Variants in ANXA8 observed in about 807,000 individuals in gnomAD.
ANXA8 encodes the protein annexin A8.
A neutral mutation model predicts 26.8 loss-of-function variants in ANXA8; 9 were observed. The observed-to-expected ratio is 0.34, with a 90% CI of 0.20 to 0.59. ANXA8 has a LOEUF of 0.59. Among genes scored for constraint, ANXA8 ranks in the 20% least tolerant of loss-of-function variants. The probability of loss-of-function intolerance (pLI) is 0.84; values close to 1 mark genes in which losing one functional copy is unlikely to be tolerated. For synonymous variants in ANXA8, 39 were observed against 94.8 expected (o/e 0.41, Z 3.42); for missense variants, 83 against 238.5 (o/e 0.35, Z 4.29).
chr10:47,746,587 A>T, the ANXA8 span, among the ~76,000 whole-genome samples: 2 of 96,302 alleles, frequency 2.1e-5, no homozygotes, highest in South Asian at 4.8e-4. Flanking sequence ...CTGAGGCAGG[A>T]GAATCACTTG....
At chr10:47,959,130 G>A in the ANXA8 span, among the ~76,000 whole-genome samples, 5 of 147,018 alleles carry the variant, frequency 3.4e-5, no homozygotes, top group African/African-American at 1.3e-4. Context: ...TGGCCTTGGA[G>A]GCCCAGAGGG....
At chr10:47,580,713 A>G in the ANXA8 span, among the ~76,000 whole-genome samples, 2 of 149,966 alleles carry the variant, frequency 1.3e-5, no homozygotes, top group Non-Finnish European at 2.9e-5. Flanking sequence ...ACTACACTCC[A>G]GCCTGCAGGA....
chr10:47,958,650 C>G, the ANXA8 span, among the ~76,000 whole-genome samples: 1 of 147,888 alleles, frequency 6.8e-6, no homozygotes, highest in Non-Finnish European at 1.5e-5. Flanking sequence ...CGGAGGTACT[C>G]CCCGGCTAAC....
chr10:47,651,169 C>T, the ANXA8 span, among the ~76,000 whole-genome samples: 2 of 151,300 alleles, frequency 1.3e-5, no homozygotes, highest in African/African-American at 4.9e-5. Context: ...CACTGCACTC[C>T]AGCCTGGGCG....
At chr10:47,733,309 T>TCTCTCC in the ANXA8 span, among the ~76,000 whole-genome samples, 1 of 126,076 alleles carries the variant, frequency 7.9e-6, no homozygotes, top group African/African-American at 3.5e-5. Flanking sequence ...TTTTTCTTTC[T>TCTCTCC]CTCTCCCTCT....
the ANXA8 span, among the ~76,000 whole-genome samples, chr10:47,628,331 T>C: frequency 2.4e-4 from 36 of 152,184 alleles, no homozygotes; most frequent in African/African-American, 8.7e-4. Context: ...ATATGAATGG[T>C]ACTACATACA....
chr10:47,739,829 A>T, the ANXA8 span, among the ~76,000 whole-genome samples: 6 of 148,702 alleles, frequency 4.0e-5, no homozygotes, highest in Non-Finnish European at 8.9e-5. Flanking sequence ...GTGGTGGCTC[A>T]CTCCCGTAAT....
At chr10:47,484,479 A>T (rs1158184786), upstream of ANXA8, 14 of 1,119,524 alleles carry the variant, frequency 1.3e-5, no homozygotes, top group Non-Finnish European at 1.8e-5. Context: ...GCTCATATTC[A>T]CCACAGATGG....
chr10:47,501,792 T>A, the ANXA8 span: 1 of 457,780 alleles, frequency 2.2e-6, no homozygotes, highest in Non-Finnish European at 3.8e-6. Context: ...TTTTTTCAAA[T>A]ATATTTTCAC....
chr10:47,977,399 A>T, the ANXA8 span, among the ~76,000 whole-genome samples: 1 of 151,482 alleles, frequency 6.6e-6, no homozygotes, highest in African/African-American at 2.4e-5. Context: ...TAAGAAAAAA[A>T]TATGAGAAAT....
chr10:47,988,930 AC>A, the ANXA8 span, among the ~76,000 whole-genome samples: 5 of 151,838 alleles, frequency 3.3e-5, no homozygotes, highest in Non-Finnish European at 2.9e-5. Flanking sequence ...GTCCACACAC[AC>A]GATATCCCTT....
At chr10:47,743,964 AC>A in the ANXA8 span, among the ~76,000 whole-genome samples, 1 of 141,336 alleles carries the variant, frequency 7.1e-6, no homozygotes, top group East Asian at 2.8e-4. Context: ...GCCAGACGGT[AC>A]TGCAGCAATG....
At chr10:47,579,174 C>G in the ANXA8 span, among the ~76,000 whole-genome samples, 3 of 133,454 alleles carry the variant, frequency 2.2e-5, no homozygotes, top group South Asian at 8.1e-4. Context: ...GGGTCTGGCT[C>G]TGTTGCCCAG....
At chr10:47,952,863 A>G in the ANXA8 span, among the ~76,000 whole-genome samples, 2 of 148,820 alleles carry the variant, frequency 1.3e-5, no homozygotes, top group Non-Finnish European at 3.0e-5. Flanking sequence ...CAAAGTTACC[A>G]AAGTAATTTG....
the ANXA8 span, among the ~76,000 whole-genome samples, chr10:47,607,448 G>T: frequency 6.6e-6 from 1 of 150,608 alleles, no homozygotes; most frequent in East Asian, 1.9e-4. Flanking sequence ...AATTTGTACC[G>T]TAAGTAAAAT....
the ANXA8 span, among the ~76,000 whole-genome samples, chr10:47,586,312 C>T: frequency 6.9e-6 from 1 of 144,308 alleles, no homozygotes; most frequent in East Asian, 2.0e-4. Context: ...AGCCAGAATC[C>T]TCCCTTACCC....
the ANXA8 span, among the ~76,000 whole-genome samples, chr10:47,639,320 T>TATTA: frequency 2.7e-3 from 257 of 96,130 alleles, 1 homozygote; most frequent in Middle Eastern, 0.015. Context: ...TATTATTTTT[T>TATTA]TTTTTTTTTT....
At chr10:47,620,067 T>C in the ANXA8 span, among the ~76,000 whole-genome samples, 2 of 109,964 alleles carry the variant, frequency 1.8e-5, no homozygotes, top group South Asian at 3.0e-4. Flanking sequence ...GATGGAATAT[T>C]ATATTTTCCT....
chr10:47,665,760 A>C, the ANXA8 span, among the ~76,000 whole-genome samples: 2 of 151,344 alleles, frequency 1.3e-5, no homozygotes, highest in Non-Finnish European at 2.9e-5. Context: ...AAATTGTTCT[A>C]CTCTATGGAT....
Sources: gnomAD v4.1 joint callset for allele counts (sites outside exome capture counted in the v4.1 genomes callset) on GRCh38, gnomAD v4.1.1 for gene constraint, MANE v1.5 for transcripts, NCBI Gene and HGNC (gene_info 2026-07-23, HGNC 2026-07-21) for gene names.